Variants in NEK5 observed in about 807,000 individuals in gnomAD.
The protein encoded by NEK5 is NIMA related kinase 5, also known as serine/threonine-protein kinase Nek5.
Under a neutral mutation model 109.2 loss-of-function variants are expected in NEK5, and 88 were observed. The ratio of observed to expected loss-of-function variants is 0.81; its 90% CI spans 0.68 to 0.96. The LOEUF is 0.96. Among genes scored for constraint, NEK5 ranks in the 40% least tolerant of loss-of-function variants. NEK5 has a pLI of 0.00. For synonymous variants in NEK5, 283 were observed against 299.9 expected (o/e 0.94, Z 0.58); for missense variants, 834 against 920.7 (o/e 0.91, Z 1.22).
chr13:52,057,157 A>T (rs1311647353), intron 22 of NEK5, among the ~76,000 whole-genome samples: 1 of 152,240 alleles, frequency 6.6e-6, no homozygotes, highest in African/African-American at 2.4e-5. Flanking sequence ...CCATCAGAGA[A>T]TACTACAAAC....
chr13:52,073,460 T>C (rs2137804228), intron 19 of NEK5, among the ~76,000 whole-genome samples: 1 of 151,940 alleles, frequency 6.6e-6, no homozygotes, highest in Non-Finnish European at 1.5e-5. Context: ...AGACTACAGG[T>C]GGGTGACACC....
At chr13:52,103,780 T>C (rs1476019999) in intron 9 of NEK5, among the ~76,000 whole-genome samples, 1 of 152,186 alleles carries the variant, frequency 6.6e-6, no homozygotes, top group Non-Finnish European at 1.5e-5. Flanking sequence ...GCACTGGGTA[T>C]ATCCGATGAG....
intron 20 of NEK5, among the ~76,000 whole-genome samples, chr13:52,071,532 G>A (rs1484004202): frequency 6.6e-6 from 1 of 152,138 alleles, no homozygotes; most frequent in Non-Finnish European, 1.5e-5. Context: ...TTCTTTTACT[G>A]CCCACAACAC....
intron 20 of NEK5, 85 bp from the exon 21 acceptor site, chr13:52,065,694 A>G (rs113440119): frequency 1.1e-6 from 1 of 919,280 alleles, no homozygotes; most frequent in Non-Finnish European, 1.7e-6. Flanking sequence ...ACTCAGAGGC[A>G]GTTTATCAGC....
intron 22 of NEK5, among the ~76,000 whole-genome samples, chr13:52,060,207 G>A (rs1954599721): frequency 6.6e-6 from 1 of 152,064 alleles, no homozygotes. Flanking sequence ...ATACTTAGAT[G>A]TGTTAATAAA....
chr13:52,061,902 C>T lies in NEK5; in HGVS notation c.2027G>A (p.Arg676Gln), dbSNP rs1954616942. Residue 676 changes from arginine (R) to glutamine (Q), a missense_variant, in exon 22 of 24, where the codon CGG (arginine) becomes CAG (glutamine). Coordinates refer to ENST00000684899, the MANE Select transcript of NEK5 (RefSeq NM_001365552.1). ...EGIPGNRKQW[R>Q]HEAPGTLMSV... is the part of the protein sequence containing the mutation. ...CATTAAAGTTCCTGGAGCTTCATGC[C>T]GCCACTGTTTCCTGTTTCCTGGAAT... The T allele has an allele frequency of 3.4e-5, 33 of 980,474 alleles. No individual in the cohort carries two copies. The highest frequency in any genetic ancestry group is 3.9e-5 in the Non-Finnish European group (32 of 825,002). The allele number at this position is 980,474 out of a possible 1,614,324, so 60.7% of individuals were successfully genotyped here. A position where few individuals can be genotyped will look rare whatever the true frequency, so the allele number is the denominator to read the frequency against.
chr13:52,085,866 C>A (rs1955130902), intron 16 of NEK5, among the ~76,000 whole-genome samples: 1 of 152,148 alleles, frequency 6.6e-6, no homozygotes, highest in South Asian at 2.1e-4. Flanking sequence ...CCTTACCCTG[C>A]AGAGAGTTGA....
intron 23 of NEK5, among the ~76,000 whole-genome samples, chr13:52,048,014 T>C (rs1389126439): frequency 6.6e-6 from 1 of 152,156 alleles, no homozygotes; most frequent in Non-Finnish European, 1.5e-5. Context: ...AGGGAGAGAT[T>C]TGTTAAAGGA....
intron 4 of NEK5, among the ~76,000 whole-genome samples, chr13:52,115,951 G>A (rs936833868): frequency 1.3e-5 from 2 of 152,046 alleles, no homozygotes; most frequent in Admixed American, 1.3e-4. Context: ...TAAGGCAGGT[G>A]GATTGCTTGA....
chr13:52,097,538 G>T (rs1016009753), intron 12 of NEK5, among the ~76,000 whole-genome samples: 2 of 152,194 alleles, frequency 1.3e-5, no homozygotes, highest in African/African-American at 4.8e-5. Context: ...TTTTGAATTT[G>T]CATGGGGTCT....
chr13:52,055,386 T>C (rs1353503216), intron 22 of NEK5, among the ~76,000 whole-genome samples: 4 of 152,072 alleles, frequency 2.6e-5, no homozygotes, highest in African/African-American at 4.8e-5. Context: ...CAGGATATTA[T>C]CCAGGAGAAC....
At chr13:52,096,835 T>G (rs1479704972) in intron 12 of NEK5, among the ~76,000 whole-genome samples, 1 of 152,156 alleles carries the variant, frequency 6.6e-6, no homozygotes, top group Non-Finnish European at 1.5e-5. Context: ...ATGGGGGAAA[T>G]GCCTTGAAGG....
chr13:52,087,928 C>CTTTT (rs758944022), intron 14 of NEK5, among the ~76,000 whole-genome samples: 1 of 110,302 alleles, frequency 9.1e-6, no homozygotes, highest in East Asian at 3.1e-4. Flanking sequence ...CCCAGCCTTT[C>CTTTT]TTTTTTTTTT....
At chr13:52,085,251 G>A (rs1370732825) in intron 16 of NEK5, among the ~76,000 whole-genome samples, 1 of 152,182 alleles carries the variant, frequency 6.6e-6, no homozygotes, top group Non-Finnish European at 1.5e-5. Flanking sequence ...CTTCATGTAA[G>A]GCATGACTTT....
At chr13:52,112,865 AG>A (rs1317305703) in intron 4 of NEK5, among the ~76,000 whole-genome samples, 2 of 152,210 alleles carry the variant, frequency 1.3e-5, no homozygotes, top group Non-Finnish European at 2.9e-5. Context: ...ACTAGATTAC[AG>A]GACACTCTCC....
chr13:52,125,461 G>A (rs964053650), intron 3 of NEK5, among the ~76,000 whole-genome samples: 2 of 152,170 alleles, frequency 1.3e-5, no homozygotes, highest in African/African-American at 4.8e-5. Context: ...TACTCGGGAG[G>A]CTGAGGCAGG....
intron 21 of NEK5, 121 bp from the exon 22 acceptor site, chr13:52,062,074 C>A (rs1954618238): frequency 6.5e-6 from 1 of 153,388 alleles, no homozygotes; most frequent in South Asian, 2.1e-4. Flanking sequence ...AATAAAGAAG[C>A]CGAGATATAG....
At chr13:52,050,797 G>A (rs1954498810) in intron 22 of NEK5, among the ~76,000 whole-genome samples, 1 of 146,116 alleles carries the variant, frequency 6.8e-6, no homozygotes. Context: ...TTAGCTCACT[G>A]CAACCTCTGC....
chr13:52,045,515 C>CA (rs1954450228), intron 23 of NEK5, among the ~76,000 whole-genome samples: 1 of 149,878 alleles, frequency 6.7e-6, no homozygotes, highest in South Asian at 2.1e-4. Flanking sequence ...CCTGTAATCC[C>CA]AGCACTTTGG....
Sources: gnomAD v4.1 joint callset for allele counts (sites outside exome capture counted in the v4.1 genomes callset) on GRCh38, gnomAD v4.1.1 for gene constraint, MANE v1.5 for transcripts, NCBI Gene and HGNC (gene_info 2026-07-23, HGNC 2026-07-21) for gene names.